Variants in VEZT observed in about 807,000 individuals in gnomAD.
VEZT encodes vezatin.
A neutral mutation model predicts 79.9 loss-of-function variants in VEZT; 39 were observed. That is an observed-to-expected ratio of 0.49 (90% CI 0.38 to 0.64). The LOEUF (loss-of-function observed/expected upper bound fraction) is 0.64, where lower values mean the gene tolerates loss of function less well. Among genes scored for constraint, VEZT ranks in the 30% least tolerant of loss-of-function variants. The pLI is 0.00. For missense variants in VEZT, 837 were observed against 893.1 expected, an observed-to-expected ratio of 0.94 and a Z score of 0.80; for synonymous variants, 325 against 327.6, an observed-to-expected ratio of 0.99 and a Z score of 0.09.
intron 7 of VEZT, among the ~76,000 whole-genome samples, chr12:95,276,251 ATTTTTTTCTT>A (rs2067690065): frequency 7.8e-6 from 1 of 128,460 alleles, no homozygotes; most frequent in Non-Finnish European, 1.7e-5. Flanking sequence ...TTTTCTTTTA[ATTTTTTTCTT>A]TTTTTTTTTT....
intron 5 of VEZT, 112 bp downstream of exon 5, chr12:95,266,744 T>C (rs1329694850): frequency 8.9e-7 from 1 of 1,129,462 alleles, no homozygotes; most frequent in Non-Finnish European, 1.2e-6. Context: ...AAAAAGTGCT[T>C]TTCTCTTTAG....
At chr12:95,274,629 C>T in intron 6 of VEZT, 113 bp from the exon 7 acceptor site, 4 of 1,146,012 alleles carry the variant, frequency 3.5e-6, no homozygotes, top group Non-Finnish European at 4.8e-6. Context: ...TGCTGTAAAC[C>T]TCCTCATCCA....
intron 3 of VEZT, chr12:95,258,149 T>C: frequency 2.3e-6 from 1 of 428,630 alleles, no homozygotes; most frequent in South Asian, 1.7e-5. Context: ...ATCCAAATTG[T>C]CAAGTTCTTT....
intron 3 of VEZT, 117 bp downstream of exon 3, chr12:95,257,356 T>C (rs2063632167): frequency 1.3e-6 from 1 of 761,168 alleles, no homozygotes; most frequent in Admixed American, 2.8e-5. Flanking sequence ...TACTAGAGAT[T>C]CTGCAGTAAC....
chr12:95,286,367 G>A (rs1337135591), intron 8 of VEZT: 2 of 484,544 alleles, frequency 4.1e-6, no homozygotes, highest in Non-Finnish European at 8.2e-6. Flanking sequence ...ATTTCAATTT[G>A]AGGATACTTC....
chr12:95,285,526 A>G (rs976735732), intron 8 of VEZT, among the ~76,000 whole-genome samples: 4 of 152,072 alleles, frequency 2.6e-5, no homozygotes, highest in Non-Finnish European at 5.9e-5. Context: ...CTTCAATGCT[A>G]CCTCAAAAAT....
intron 2 of VEZT, chr12:95,252,492 A>C (rs1384371693): frequency 6.6e-6 from 1 of 152,544 alleles, no homozygotes; most frequent in African/African-American, 2.4e-5. Context: ...TAGATAATGG[A>C]GTGAGCATAA....
At chr12:95,266,749 C>A (rs1467217386) in intron 5 of VEZT, 117 bp downstream of exon 5, 9 of 979,724 alleles carry the variant, frequency 9.2e-6, no homozygotes, top group Middle Eastern at 3.3e-4. Flanking sequence ...GTGCTTTTCT[C>A]TTTAGTACTT....
At chr12:95,273,648 A>C (rs2067080120) in intron 6 of VEZT, among the ~76,000 whole-genome samples, 1 of 152,214 alleles carries the variant, frequency 6.6e-6, no homozygotes. Flanking sequence ...CAGACTATAG[A>C]AAAGGTTAGA....
chr12:95,297,918 A>G (rs1445453132), intron 11 of VEZT, among the ~76,000 whole-genome samples: 2 of 152,060 alleles, frequency 1.3e-5, no homozygotes, highest in Non-Finnish European at 2.9e-5. Context: ...TCAGGAGTTC[A>G]AGACCAGCCT....
chr12:95,220,970 C>A (rs1035241670), intron 1 of VEZT, among the ~76,000 whole-genome samples: 2 of 152,152 alleles, frequency 1.3e-5, no homozygotes, highest in African/African-American at 4.8e-5. Flanking sequence ...TATGAGAGGT[C>A]CCATTGCCCC....
At chr12:95,297,300 C>CGA (rs2074369350) in intron 11 of VEZT, among the ~76,000 whole-genome samples, 1 of 152,140 alleles carries the variant, frequency 6.6e-6, no homozygotes. Context: ...TTCCATTTTA[C>CGA]AGTATCTGTG....
intron 8 of VEZT, among the ~76,000 whole-genome samples, chr12:95,287,017 G>A (rs1399478219): frequency 2.0e-5 from 3 of 151,774 alleles, no homozygotes; most frequent in Non-Finnish European, 4.4e-5. Context: ...AGGGGCGGTG[G>A]ATATTATATT....
At chr12:95,242,631 T>A (rs1375681455) in intron 1 of VEZT, among the ~76,000 whole-genome samples, 1 of 152,178 alleles carries the variant, frequency 6.6e-6, no homozygotes, top group African/African-American at 2.4e-5. Context: ...CCCAGTACTT[T>A]GGGAGGCTGA....
At chr12:95,283,523 G>A (rs1032067555) in intron 8 of VEZT, among the ~76,000 whole-genome samples, 3 of 152,202 alleles carry the variant, frequency 2.0e-5, no homozygotes, top group Non-Finnish European at 1.5e-5. Flanking sequence ...GGGGAAGGCA[G>A]TATTTGATTA....
At chr12:95,263,666 A>G (rs2064966283) in intron 4 of VEZT, 1 of 152,288 alleles carries the variant, frequency 6.6e-6, no homozygotes. Context: ...GGAAAAAAAA[A>G]AGAATTTATT....
At chr12:95,282,255 GT>G in intron 7 of VEZT, 57 bp from the exon 8 acceptor site, 4 of 1,422,412 alleles carry the variant, frequency 2.8e-6, no homozygotes, top group Non-Finnish European at 3.7e-6. Flanking sequence ...TTTATAGTTT[GT>G]TTTGAACACT....
chr12:95,223,710 C>A (rs2057969832), intron 1 of VEZT, among the ~76,000 whole-genome samples: 2 of 152,336 alleles, frequency 1.3e-5, no homozygotes, highest in Admixed American at 1.3e-4. Flanking sequence ...CTCGGCCTAC[C>A]AAAGTGCTGG....
At chr12:95,223,982 G>C (rs10507048) in intron 1 of VEZT, among the ~76,000 whole-genome samples, 1 of 151,928 alleles carries the variant, frequency 6.6e-6, no homozygotes, top group South Asian at 2.1e-4. Context: ...GTTGTATCAC[G>C]AAAGTTTTGA....
Sources: gnomAD v4.1 joint callset for allele counts (sites outside exome capture counted in the v4.1 genomes callset) on GRCh38, gnomAD v4.1.1 for gene constraint, MANE v1.5 for transcripts, NCBI Gene and HGNC (gene_info 2026-07-23, HGNC 2026-07-21) for gene names.